P4HA1: variants seen among roughly 807,000 people sequenced by gnomAD.
P4HA1 encodes the protein prolyl 4-hydroxylase subunit alpha 1, also known as prolyl 4-hydroxylase subunit alpha-1.
In P4HA1, 24 loss-of-function variants were observed where a neutral mutation model predicts 72.8. The observed-to-expected ratio is 0.33, with a 90% CI of 0.24 to 0.46. The LOEUF (loss-of-function observed/expected upper bound fraction) is 0.46, where lower values mean the gene tolerates loss of function less well. Ranked by LOEUF, P4HA1 falls within the 20% of genes least tolerant of loss-of-function variation. The pLI is 1.00. For missense variants in P4HA1, 446 were observed against 640.6 expected (o/e 0.70, Z 3.28); for synonymous variants, 201 against 218.8 (o/e 0.92, Z 0.72).
intron 3 of P4HA1, among the ~76,000 whole-genome samples, chr10:73,072,481 T>C (rs1195743974): frequency 6.6e-6 from 1 of 152,200 alleles, no homozygotes; most frequent in East Asian, 1.9e-4. Context: ...CTAAAAATTT[T>C]AGACTTAGGT....
In P4HA1 at chr10:73,051,133, T is replaced by C; in HGVS notation, c.820A>G (p.Lys274Glu). ...DDQSDQKTTP[K>E]KKGVAVDYLP... is the part of the protein sequence containing the mutation. ...TAATCCACAGCAACCCCTTTTTTCT[T>C]TGGTGTAGTTTTCTGATCAGATTGG... Residue 274 changes from lysine to glutamate, a missense_variant, in exon 7 of 15, where the codon AAG (lysine) becomes GAG (glutamate). By Grantham distance (56) the Lys-to-Glu change is moderately conservative. Transcript: ENST00000394890. The C allele has an allele frequency of 6.2e-7, 1 of 1,614,040 alleles. No individual in the cohort carries two copies. Among genetic ancestry groups the C allele is most frequent in the Non-Finnish European group, 8.5e-7 (1 of 1,179,918 alleles).
chr10:73,093,850 A>AT (rs769648559), intron 1 of P4HA1, among the ~76,000 whole-genome samples: 3,108 of 52,898 alleles, frequency 0.059, 237 homozygotes, highest in African/African-American at 0.21. Flanking sequence ...CTCAAAAAAA[A>AT]AAAAAAAAAA....
At chr10:73,025,330 G>T (rs1367758019) in intron 10 of P4HA1, among the ~76,000 whole-genome samples, 1 of 152,132 alleles carries the variant, frequency 6.6e-6, no homozygotes, top group Admixed American at 6.5e-5. Flanking sequence ...ATCAATAAAC[G>T]TAATCCATCA....
intron 8 of P4HA1, among the ~76,000 whole-genome samples, chr10:73,045,525 CA>C (rs1379170789): frequency 6.6e-6 from 1 of 151,420 alleles, no homozygotes; most frequent in African/African-American, 2.4e-5. Context: ...ATTTTAAGGT[CA>C]ATCTTTTGTC....
At chr10:73,068,757 G>C (rs1841482899) in intron 5 of P4HA1, 89 bp downstream of exon 5, 4 of 1,051,048 alleles carry the variant, frequency 3.8e-6, no homozygotes, top group African/African-American at 1.6e-5. Context: ...ATCTTAAAAT[G>C]CAAGTCTTTT....
Position 73,066,763 on chromosome 10 carries a change from G to A in P4HA1, c.463+2083C>T, listed in dbSNP as rs531226562. Among the ~76,000 whole-genome samples, 44 of 152,222 alleles carry A rather than the reference G, an allele frequency of 2.9e-4. 1 individual carries two copies. The South Asian group carries it at 8.3e-3, about 29-fold the overall frequency. ...TCCCCCATGCTGTTCTTGTGACAGT[G>A]AGTTCTCATGAGATAGGATGGTTTT... On this transcript the variant is annotated intron_variant, in intron 5 of 14. Transcript: ENST00000394890.
chr10:73,057,675 A>C (rs1735286647), intron 5 of P4HA1, among the ~76,000 whole-genome samples: 1 of 152,182 alleles, frequency 6.6e-6, no homozygotes, highest in East Asian at 1.9e-4. Flanking sequence ...AAGAATTCCA[A>C]GCCAAACAAA....
At chr10:73,008,485 G>A (rs1212770319) in intron 14 of P4HA1, among the ~76,000 whole-genome samples, 193 bp from the exon 15 acceptor site, 2 of 152,158 alleles carry the variant, frequency 1.3e-5, no homozygotes, top group East Asian at 3.8e-4. Context: ...ATATACATAT[G>A]TGTACACACT....
rs180694818 is a variant in P4HA1 at position 73,055,440 on chromosome 10, G to A, written c.464-1850C>T. Among the ~76,000 whole-genome samples, 21 of 152,302 alleles carry A rather than the reference G, an allele frequency of 1.4e-4. No individual in the cohort carries two copies. The East Asian group carries it at 4.1e-3, about 29-fold the overall frequency. On this transcript the variant is annotated intron_variant, in intron 5 of 14. Coordinates refer to ENST00000394890, the MANE Select transcript of P4HA1 (RefSeq NM_001017962.3). ...GCTGGTCTTGAACTCCTGACCTCAC[G>A]TGATCCACCCACTTCAGCCTCCCAA...
At position 73,008,134 on chromosome 10, in the gene P4HA1, A is replaced by G; in HGVS notation, c.*88T>C. On this transcript the variant is annotated 3_prime_UTR_variant, in exon 15 of 15. Transcript: ENST00000394890. ...TGAATCAATCATGGAGTGTTAGTCA[A>G]TTGTAAACTCCTGAAAGTTAAGACT... 2.6e-6 allele frequency: 2 copies of G among 777,312 alleles called. No homozygotes were observed. The highest frequency in any genetic ancestry group is 2.5e-5 in the East Asian group (1 of 40,294). The allele number at this position is 777,312 out of a possible 1,614,324, so 48.2% of individuals were successfully genotyped here.
intron 1 of P4HA1, among the ~76,000 whole-genome samples, chr10:73,089,196 T>C (rs1424057923): frequency 2.0e-5 from 3 of 152,222 alleles, no homozygotes; most frequent in South Asian, 2.1e-4. Context: ...AAGTATTTCA[T>C]GGTTTTTAGT....
At position 73,031,638 on chromosome 10, in the gene P4HA1, GA is replaced by G. The variant is rs1361166846; in HGVS notation, c.1149-1269del. On this transcript the variant is annotated intron_variant, in intron 9 of 14. Transcript: ENST00000394890. ...AGATTAGTGGTTGCCAGGGGATGGGGATGGGGCTGGGGGGAATGGGAAATGA... is the reference window on the plus strand; with the variant it reads ...AGATTAGTGGTTGCCAGGGGATGGGGTGGGGCTGGGGGGAATGGGAAATGA... 2.6e-5 allele frequency among the ~76,000 whole-genome samples: 4 copies of G among 152,126 alleles called. No homozygotes were observed. In the East Asian group the frequency reaches 5.8e-4, roughly 22 times the overall value.
intron 1 of P4HA1, among the ~76,000 whole-genome samples, chr10:73,078,068 C>CAAAAAA (rs61030339): frequency 6.7e-5 from 4 of 59,434 alleles, no homozygotes; most frequent in South Asian, 6.2e-4. Context: ...GCTTATGTGT[C>CAAAAAA]AAAAAAAAAA....
intron 9 of P4HA1, among the ~76,000 whole-genome samples, chr10:73,036,377 A>T (rs1840576349): frequency 6.6e-6 from 1 of 151,936 alleles, no homozygotes; most frequent in African/African-American, 2.4e-5. Flanking sequence ...TTTCATGTAA[A>T]ATCCCCTCCA....
chr10:73,062,215 A>G (rs1841328774), intron 5 of P4HA1, among the ~76,000 whole-genome samples: 1 of 152,204 alleles, frequency 6.6e-6, no homozygotes, highest in South Asian at 2.1e-4. Context: ...GCATAGGTTC[A>G]TTATGTTATT....
At chr10:73,035,260 C>A (rs958936166) in intron 9 of P4HA1, among the ~76,000 whole-genome samples, 1 of 151,894 alleles carries the variant, frequency 6.6e-6, no homozygotes, top group African/African-American at 2.4e-5. Flanking sequence ...AATCTAATAA[C>A]CTCCCAGCAC....
rs1161413357 is a variant in P4HA1, at chr10:73,037,568, TA to T, written c.1149-7199del. 6.7e-3 allele frequency among the ~76,000 whole-genome samples: 175 copies of T among 26,086 alleles called. 1 individual carries two copies. Among genetic ancestry groups the T allele is most frequent in the South Asian group, 0.036 (20 of 556 alleles). 17.1% of individuals were successfully genotyped at this position (26,086 alleles called of 152,430 possible). A position where few individuals can be genotyped will look rare whatever the true frequency, so the allele number is the denominator to read the frequency against. On this transcript the variant is annotated intron_variant, in intron 9 of 14. Coordinates refer to ENST00000394890, the MANE Select transcript of P4HA1 (RefSeq NM_001017962.3). Reference sequence around the variant, plus strand: ...ATATATATATATATATATATATATATATATTTTTTTTTTTTTTTTTTTACAA... The same window carrying T: ...ATATATATATATATATATATATATATTATTTTTTTTTTTTTTTTTTTACAA...
chr10:73,027,489 C>T (rs1840306095), intron 10 of P4HA1, among the ~76,000 whole-genome samples: 2 of 150,626 alleles, frequency 1.3e-5, no homozygotes, highest in South Asian at 2.1e-4. Flanking sequence ...AGGAGAAATA[C>T]CTAATGTAAA....
intron 9 of P4HA1, among the ~76,000 whole-genome samples, chr10:73,037,571 A>T (rs892376403): frequency 0.2 from 6,045 of 30,516 alleles, 545 homozygotes; most frequent in East Asian, 0.38. Flanking sequence ...ATATATATAT[A>T]TTTTTTTTTT....
Sources: gnomAD v4.1 joint callset for allele counts (sites outside exome capture counted in the v4.1 genomes callset) on GRCh38, gnomAD v4.1.1 for gene constraint, MANE v1.5 for transcripts, NCBI Gene and HGNC (gene_info 2026-07-23, HGNC 2026-07-21) for gene names.